The following FARSB variants were observed in gnomAD, a reference collection of about 807,000 sequenced individuals.
The protein encoded by FARSB is phenylalanyl-tRNA synthetase subunit beta, also known as phenylalanine--tRNA ligase beta subunit.
In FARSB, 40 loss-of-function variants were observed where a neutral mutation model predicts 69.6. The ratio of observed to expected loss-of-function variants is 0.57; its 90% CI spans 0.45 to 0.75. The LOEUF is 0.75. Ranked by LOEUF, FARSB falls within the 30% of genes least tolerant of loss-of-function variation. The probability of loss-of-function intolerance (pLI) is 0.00; values close to 1 mark genes in which losing one functional copy is unlikely to be tolerated. For synonymous variants in FARSB, 235 were observed against 247.2 expected (o/e 0.95, Z 0.46); for missense variants, 632 against 722.9 (o/e 0.87, Z 1.44).
chr2:222,633,874 A>G (rs1691507596), intron 6 of FARSB, among the ~76,000 whole-genome samples: 2 of 152,238 alleles, frequency 1.3e-5, no homozygotes, highest in Non-Finnish European at 1.5e-5. Flanking sequence ...TTCAAAGGAA[A>G]CATAAACCAT....
Position 222,641,008 on chromosome 2 carries a change from T to C in FARSB, c.270-77A>G. 3.0e-6 allele frequency: 2 copies of C among 663,682 alleles called. 1 individual carries two copies. The highest frequency in any genetic ancestry group is 5.7e-5 in the South Asian group (2 of 35,024). The allele number at this position is 663,682 out of a possible 1,614,324, so 41.1% of individuals were successfully genotyped here. A position where few individuals can be genotyped will look rare whatever the true frequency, so the allele number is the denominator to read the frequency against. ...AAATAATTACATTCTATGCTGTATA[T>C]AGGAAGTATACAAAATGAATTAGGG... On this transcript the variant is annotated intron_variant, in intron 3 of 16. Coordinates refer to ENST00000281828, the MANE Select transcript of FARSB (RefSeq NM_005687.5).
intron 12 of FARSB, 97 bp downstream of exon 12, chr2:222,624,175 C>T (rs1691208588): frequency 6.1e-6 from 5 of 818,104 alleles, no homozygotes; most frequent in Non-Finnish European, 1.0e-5. Context: ...TGTCCAAATA[C>T]TGCTTGATTC....
Position 222,600,679 on chromosome 2 carries a change from C to T in FARSB, c.1463-596G>A, listed in dbSNP as rs188545292. Among the ~76,000 whole-genome samples, 6 of 152,090 alleles carry T rather than the reference C, an allele frequency of 3.9e-5. No individual in the cohort carries two copies. In the East Asian group the frequency reaches 1.2e-3, roughly 29 times the overall value. Reference sequence around the variant, plus strand: ...AGAGACCACAAGGTTCAAAAAGAGGCAAAACTAAATTACATTGTTTAAAGA... The same window carrying T: ...AGAGACCACAAGGTTCAAAAAGAGGTAAAACTAAATTACATTGTTTAAAGA... On this transcript the variant is annotated intron_variant, in intron 15 of 16. Transcript: ENST00000281828.
chr2:222,593,732 A>C (rs145872325), intron 16 of FARSB, among the ~76,000 whole-genome samples: 262 of 151,982 alleles, frequency 1.7e-3, no homozygotes, highest in African/African-American at 5.8e-3. Flanking sequence ...TTAGCCAGGC[A>C]TGGTGGTACG....
intron 14 of FARSB, among the ~76,000 whole-genome samples, chr2:222,615,326 T>A (rs907837106): frequency 2.6e-5 from 4 of 152,226 alleles, no homozygotes; most frequent in African/African-American, 9.6e-5. Context: ...CCTGCCAACC[T>A]GTGGCCTATT....
At chr2:222,603,199 A>G (rs568652560) in intron 15 of FARSB, among the ~76,000 whole-genome samples, 2 of 152,280 alleles carry the variant, frequency 1.3e-5, no homozygotes, top group South Asian at 4.1e-4. Context: ...AAAAGAGAAA[A>G]AACAAACTAA....
intron 14 of FARSB, among the ~76,000 whole-genome samples, chr2:222,616,453 A>C (rs569794985): frequency 6.7e-6 from 1 of 149,504 alleles, no homozygotes; most frequent in Non-Finnish European, 1.5e-5. Context: ...AGGCTGAGGC[A>C]GGAGAATTGC....
At chr2:222,628,456 A>T (rs2106223672) in intron 10 of FARSB, among the ~76,000 whole-genome samples, 1 of 152,326 alleles carries the variant, frequency 6.6e-6, no homozygotes, top group African/African-American at 2.4e-5. Context: ...AAGAATAAAA[A>T]CATTTTTTAA....
At chr2:222,597,614 G>T (rs1690453655) in intron 16 of FARSB, among the ~76,000 whole-genome samples, 1 of 152,142 alleles carries the variant, frequency 6.6e-6, no homozygotes, top group Non-Finnish European at 1.5e-5. Flanking sequence ...CAAATTAGCT[G>T]TATCACAAAA....
chr2:222,611,811 GC>G, intron 15 of FARSB, among the ~76,000 whole-genome samples: 1 of 152,092 alleles, frequency 6.6e-6, no homozygotes, highest in East Asian at 1.9e-4. Context: ...ACTGCCAAGT[GC>G]CCCATCCCTA....
In FARSB at chr2:222,571,883, T is replaced by C; in HGVS notation, c.1758A>G (p.Gly586=). ...CAGAGACCAATCTTCACAAAAAGGG[T>C]CCAACATTGATTTCTAGGGAGGAGC... is the stretch of plus-strand genomic sequence containing the variant. ...MPCSSLEINV[G]PFL Residue 586 remains glycine (G), a synonymous_variant, in exon 17 of 17, where the codon GGA becomes GGG. Coordinates refer to ENST00000281828, the MANE Select transcript of FARSB (RefSeq NM_005687.5). 1 of 1,610,064 alleles carries C rather than the reference T, an allele frequency of 6.2e-7. No individual in the cohort carries two copies. The highest frequency in any genetic ancestry group is 8.5e-7 in the Non-Finnish European group (1 of 1,178,378).
At chr2:222,614,911 G>A (rs995754786) in intron 14 of FARSB, among the ~76,000 whole-genome samples, 1 of 152,090 alleles carries the variant, frequency 6.6e-6, no homozygotes, top group Admixed American at 6.5e-5. Flanking sequence ...AAATGTAAAT[G>A]CAATTAAAAT....
At chr2:222,600,217 T>C in intron 15 of FARSB, 134 bp from the exon 16 acceptor site, 1 of 650,228 alleles carries the variant, frequency 1.5e-6, no homozygotes, top group South Asian at 2.2e-5. Flanking sequence ...GGATTCAACC[T>C]CACAAATGCA....
chr2:222,636,482 G>C (rs1691585433), intron 5 of FARSB, among the ~76,000 whole-genome samples: 1 of 150,736 alleles, frequency 6.6e-6, no homozygotes, highest in South Asian at 2.1e-4. Context: ...AGTCAAACAG[G>C]AAGACTGATA....
At chr2:222,625,547 C>A (rs895061567) in intron 10 of FARSB, among the ~76,000 whole-genome samples, 2 of 152,196 alleles carry the variant, frequency 1.3e-5, no homozygotes, top group Non-Finnish European at 2.9e-5. Flanking sequence ...AGGCTGACTG[C>A]AGGTCTTGAT....
At chr2:222,598,877 T>G (rs1462101201) in intron 16 of FARSB, among the ~76,000 whole-genome samples, 1 of 152,078 alleles carries the variant, frequency 6.6e-6, no homozygotes, top group Non-Finnish European at 1.5e-5. Flanking sequence ...ATGTCTGCAT[T>G]TTATTATTTC....
chr2:222,579,673 G>A (rs1408272317), intron 16 of FARSB, among the ~76,000 whole-genome samples: 2 of 152,128 alleles, frequency 1.3e-5, no homozygotes. Flanking sequence ...AAGCAATCCT[G>A]TCCATTTCCT....
intron 1 of FARSB, among the ~76,000 whole-genome samples, chr2:222,653,986 AATAT>A (rs1055100483): frequency 1.3e-5 from 2 of 152,220 alleles, no homozygotes; most frequent in Non-Finnish European, 2.9e-5. Flanking sequence ...GATCACTGAC[AATAT>A]GAAAAAAAAA....
intron 5 of FARSB, among the ~76,000 whole-genome samples, chr2:222,638,948 T>C (rs775208560): frequency 2.0e-5 from 3 of 152,214 alleles, no homozygotes; most frequent in Non-Finnish European, 4.4e-5. Flanking sequence ...CATTAGGATT[T>C]TGAAATACTT....
Sources: allele counts gnomAD v4.1 joint callset (sites outside exome capture counted in the v4.1 genomes callset), GRCh38; gene constraint gnomAD v4.1.1; transcripts MANE v1.5; gene names NCBI Gene and HGNC (gene_info 2026-07-23, HGNC 2026-07-21).